Variants in ZNF507 observed in about 807,000 individuals in gnomAD.
The protein encoded by ZNF507 is zinc finger protein 507.
Under a neutral mutation model 80.0 loss-of-function variants are expected in ZNF507, and 29 were observed. The ratio of observed to expected loss-of-function variants is 0.36; its 90% CI spans 0.27 to 0.49. ZNF507 has a LOEUF of 0.49. ZNF507 is among the 20% of genes least tolerant of loss of function. The probability of loss-of-function intolerance (pLI) is 0.98; values close to 1 mark genes in which losing one functional copy is unlikely to be tolerated. For synonymous variants in ZNF507, 462 were observed against 422.5 expected (o/e 1.09, Z -1.15); for missense variants, 1,081 against 1,152.2 (o/e 0.94, Z 0.90).
rs573615818 is a variant in ZNF507, at chr19:32,382,770, C to T, written c.2549C>T (p.Ala850Val). Reference protein sequence around the residue: ...KTQLKSSEESADPVTGSSENA... With the variant: ...KTQLKSSEESVDPVTGSSENA... ...CAATTAAAGAGCAGTGAAGAGAGTG[C>T]AGATCCCGTCACTGGAAGTTCAGAA... Residue 850 changes from alanine (A) to valine (V), a missense_variant, in exon 7 of 7, where the codon GCA becomes GTA. Around this residue, in one of 6 missense-constraint regions of ZNF507, gnomAD observed 138 missense variants for 158.4 expected, o/e 0.87. Coordinates refer to ENST00000355898, the MANE Select transcript of ZNF507 (RefSeq NM_001136156.2). The T allele has an allele frequency of 5.6e-6, 9 of 1,613,932 alleles. No homozygotes were observed. In the African/African-American group the frequency reaches 9.3e-5, roughly 17 times the overall value.
At position 32,353,847 on chromosome 19, in the gene ZNF507, A is replaced by G. The variant is rs1299879597; in HGVS notation, c.1017A>G (p.Glu339=). The part of the protein sequence containing the change: ...SEQLSSSSPL[E]QSAERGVHLS... ...AGTTATCATCTTCATCTCCTTTAGAACAGAGTGCAGAAAGAGGAGTACACC... is the reference window on the plus strand; with the variant it reads ...AGTTATCATCTTCATCTCCTTTAGAGCAGAGTGCAGAAAGAGGAGTACACC... Residue 339 remains glutamate (E), a synonymous_variant, in exon 3 of 7, where the codon GAA becomes GAG. Coordinates refer to ENST00000355898, the MANE Select transcript of ZNF507 (RefSeq NM_001136156.2). The G allele has an allele frequency of 6.2e-7, 1 of 1,614,188 alleles. No homozygotes were observed. Among genetic ancestry groups the G allele is most frequent in the Admixed American group, 1.7e-5 (1 of 60,026 alleles).
chr19:32,353,105 T>A lies in ZNF507; in HGVS notation c.275T>A (p.Val92Glu), dbSNP rs766575619. Residue 92 changes from valine (V) to glutamate (E), a missense_variant, in exon 3 of 7, where the codon GTA becomes GAA. Val to Glu is a moderately radical substitution (Grantham distance 121). Around this residue, in one of 6 missense-constraint regions of ZNF507, gnomAD observed 275 missense variants for 303.9 expected, o/e 0.90. Coordinates refer to ENST00000355898, the MANE Select transcript of ZNF507 (RefSeq NM_001136156.2). Reference sequence around the variant, plus strand: ...GAACTTTGTGAGATTCCGGCTAAAGTAATCCAGTCACCTGCTGCTGATACT... The same window carrying A: ...GAACTTTGTGAGATTCCGGCTAAAGAAATCCAGTCACCTGCTGCTGATACT... Reference protein sequence around the residue: ...TQELCEIPAKVIQSPAADTRR... With the variant: ...TQELCEIPAKEIQSPAADTRR... The A allele has an allele frequency of 6.2e-7, 1 of 1,614,212 alleles. No homozygotes were observed. The highest frequency in any genetic ancestry group is 1.1e-5 in the South Asian group (1 of 91,088).
Position 32,353,423 on chromosome 19 carries a change from G to A in ZNF507, c.593G>A (p.Ser198Asn), listed in dbSNP as rs1237327962. ...GCCCAACAGTGCGTAAGCCCCTCCA[G>A]CTCTTTGTGTCGGAAAACCACAGAA... Reference protein sequence around the residue: ...SKAQQCVSPSSSLCRKTTERN... With the variant: ...SKAQQCVSPSNSLCRKTTERN... The change falls in exon 3 of 7, where the codon AGC (serine) becomes AAC (asparagine). Residue 198 changes from serine to asparagine, a missense_variant. This residue lies in a region of ZNF507 where 275 missense variants were observed against 303.9 expected (regional missense o/e 0.90). Transcript: ENST00000355898. The A allele has an allele frequency of 3.1e-6, 5 of 1,614,176 alleles. No individual in the cohort carries two copies. The East Asian group carries it at 8.9e-5, about 29-fold the overall frequency.
Position 32,353,295 on chromosome 19 carries a change from G to C in ZNF507, c.465G>C (p.Leu155=). Residue 155 remains leucine (L), a synonymous_variant, in exon 3 of 7, where the codon CTG becomes CTC. Coordinates refer to ENST00000355898, the MANE Select transcript of ZNF507 (RefSeq NM_001136156.2). ...ATGGTCAGCAAAATGAAGTGATACTGATGTGCTCAGAGTGCCATATTACAT... is the reference window on the plus strand; with the variant it reads ...ATGGTCAGCAAAATGAAGTGATACTCATGTGCTCAGAGTGCCATATTACAT... ...KQHGQQNEVI[L]MCSECHITSR... 1 of 1,614,212 alleles carries C rather than the reference G, an allele frequency of 6.2e-7. No homozygotes were observed.
chr19:32,380,150 T>C (rs984129329), intron 5 of ZNF507, among the ~76,000 whole-genome samples: 6 of 152,192 alleles, frequency 3.9e-5, no homozygotes, highest in South Asian at 2.1e-4. Context: ...GTTAGTGAGA[T>C]TGAACATCTT....
chr19:32,353,916 A>G lies in ZNF507; in HGVS notation c.1086A>G (p.Leu362=). The G allele has an allele frequency of 6.2e-7, 1 of 1,614,190 alleles. No individual in the cohort carries two copies. Among genetic ancestry groups the G allele is most frequent in the Non-Finnish European group, 8.5e-7 (1 of 1,180,040 alleles). The change falls in exon 3 of 7, where the codon CTA becomes CTG. Residue 362 remains leucine (L), a synonymous_variant. Coordinates refer to ENST00000355898, the MANE Select transcript of ZNF507 (RefSeq NM_001136156.2). ...VTLDPNEEEM[L]EVISDAEENL... The stretch of plus-strand genomic sequence containing the variant: ...TGGACCCCAATGAGGAAGAAATGCT[A>G]GAAGTGATTTCTGATGCAGAGGAGA...
intron 5 of ZNF507, among the ~76,000 whole-genome samples, chr19:32,370,179 A>T (rs1445782699): frequency 6.6e-6 from 1 of 152,176 alleles, no homozygotes; most frequent in African/African-American, 2.4e-5. Context: ...GGTTGTTTCC[A>T]TACCTTGGTT....
At chr19:32,378,154 AC>A (rs1967575564) in intron 5 of ZNF507, among the ~76,000 whole-genome samples, 1 of 152,088 alleles carries the variant, frequency 6.6e-6, no homozygotes, top group African/African-American at 2.4e-5. Flanking sequence ...GGAGTTAGAA[AC>A]CAGCCTGGCT....
chr19:32,349,847 G>T lies in ZNF507; in HGVS notation c.-3+2509G>T, dbSNP rs544644244. On this transcript the variant is annotated intron_variant, in intron 2 of 6. Transcript: ENST00000355898. ...CAGTGAATTCCTAGGTACTCATCAT[G>T]CAACTTCAATTACAGAATTAGTCAT... Among the ~76,000 whole-genome samples, 5 of 152,268 alleles carry T rather than the reference G, an allele frequency of 3.3e-5. No individual in the cohort carries two copies. In the South Asian group the frequency reaches 8.3e-4, roughly 25 times the overall value.
chr19:32,372,381 G>A (rs1432180233), intron 5 of ZNF507, among the ~76,000 whole-genome samples: 3 of 152,118 alleles, frequency 2.0e-5, no homozygotes, highest in African/African-American at 7.2e-5. Context: ...CTGACCAGTT[G>A]AGTGGACAGG....
chr19:32,365,132 C>A (rs1165617406), intron 5 of ZNF507, among the ~76,000 whole-genome samples: 1 of 152,110 alleles, frequency 6.6e-6, no homozygotes, highest in South Asian at 2.1e-4. Flanking sequence ...TGGCCATTTG[C>A]GTATCTTCTT....
intron 5 of ZNF507, among the ~76,000 whole-genome samples, chr19:32,363,133 G>C (rs1213457891): frequency 6.6e-6 from 1 of 152,160 alleles, no homozygotes; most frequent in Admixed American, 6.5e-5. Context: ...AGTTTCTCTG[G>C]CTCATTTCAT....
intron 5 of ZNF507, among the ~76,000 whole-genome samples, chr19:32,363,860 C>T (rs1967362432): frequency 6.6e-6 from 1 of 152,170 alleles, no homozygotes; most frequent in African/African-American, 2.4e-5. Flanking sequence ...AGGCAGAGTG[C>T]TGTCCCTGCT....
chr19:32,358,033 G>A (rs1393637284), intron 4 of ZNF507: 2 of 152,130 alleles, frequency 1.3e-5, no homozygotes, highest in East Asian at 3.9e-4. Flanking sequence ...CAGTATTAAT[G>A]AATGTTTACT....
At position 32,352,819 on chromosome 19, in the gene ZNF507, T is replaced by A. The variant is rs754927001; in HGVS notation, c.-2-10T>A. On this transcript the variant is annotated splice_polypyrimidine_tract_variant and intron_variant, in intron 2 of 6. Coordinates refer to ENST00000355898, the MANE Select transcript of ZNF507 (RefSeq NM_001136156.2). ...CCTGGTATTTTTCTGTTTTACATTA[T>A]CCTTTTTAGATATGGAAGAAAGTAG... 2.9e-5 allele frequency: 45 copies of A among 1,552,336 alleles called. No individual in the cohort carries two copies. The highest frequency in any genetic ancestry group is 3.5e-5 in the Non-Finnish European group (41 of 1,155,760).
rs1018506727 is a variant in ZNF507, at chr19:32,385,366, G to A, written c.*2283G>A. The stretch of plus-strand genomic sequence containing the variant: ...TGTCCTTAAAAGCTTTCTCCTGGCC[G>A]ATAGGAGGAAGCATATATCAAGGAG... On this transcript the variant is annotated 3_prime_UTR_variant, in exon 7 of 7. Coordinates refer to ENST00000355898, the MANE Select transcript of ZNF507 (RefSeq NM_001136156.2). The A allele has an allele frequency of 6.6e-6, 1 of 152,164 alleles. No individual in the cohort carries two copies. Among genetic ancestry groups the A allele is most frequent in the Non-Finnish European group, 1.5e-5 (1 of 68,018 alleles). 9.4% of individuals were successfully genotyped at this position (152,164 alleles called of 1,614,324 possible).
intron 2 of ZNF507, 88 bp from the exon 3 acceptor site, chr19:32,352,741 A>T (rs1025979817): frequency 1.7e-6 from 2 of 1,168,162 alleles, no homozygotes; most frequent in African/African-American, 3.1e-5. Flanking sequence ...GAGATTACAG[A>T]CACTAACATT....
At chr19:32,347,138 T>C (rs1967107193) in intron 1 of ZNF507, 107 bp from the exon 2 acceptor site, 1 of 152,346 alleles carries the variant, frequency 6.6e-6, no homozygotes, top group Non-Finnish European at 1.5e-5. Context: ...AATTTCTTTT[T>C]ACATGGAATA....
intron 3 of ZNF507, among the ~76,000 whole-genome samples, chr19:32,355,284 A>G (rs1967237575): frequency 6.6e-6 from 1 of 152,152 alleles, no homozygotes; most frequent in South Asian, 2.1e-4. Flanking sequence ...TAACGTATTG[A>G]CATACGTTTG....
Sources: gnomAD v4.1 joint callset for allele counts (sites outside exome capture counted in the v4.1 genomes callset) on GRCh38, gnomAD v4.1.1 for gene constraint, gnomAD v4.1.1 regional missense constraint, MANE v1.5 for transcripts, NCBI Gene and HGNC (gene_info 2026-07-23, HGNC 2026-07-21) for gene names.